Variants in PSPC1 observed in about 807,000 individuals in gnomAD.
PSPC1 encodes paraspeckle protein 1.
In PSPC1, 14 loss-of-function variants were observed where a neutral mutation model predicts 51.6. The ratio of observed to expected loss-of-function variants is 0.27; its 90% confidence interval spans 0.18 to 0.42. PSPC1 has a LOEUF of 0.42. Among genes scored for constraint, PSPC1 ranks in the 10% least tolerant of loss-of-function variants. The probability of loss-of-function intolerance (pLI) is 1.00; values close to 1 mark genes in which losing one functional copy is unlikely to be tolerated. For missense variants in PSPC1, 406 were observed against 701.1 expected (o/e 0.58, Z 4.75); for synonymous variants, 193 against 231.9 (o/e 0.83, Z 1.53).
rs960773178 is a variant in PSPC1 at position 19,781,822 on chromosome 13, C to G, written c.372+564G>C. ...TTAAAAAGAAATAAAGTGGTCTACC[C>G]TTAAACGCATATAGGTGTGGTTGAA... On this transcript the variant is annotated intron_variant, in intron 1 of 8. Coordinates refer to ENST00000338910, the MANE Select transcript of PSPC1 (RefSeq NM_001354909.2). Among the ~76,000 whole-genome samples the G allele has an allele frequency of 1.4e-4, 22 of 152,138 alleles. 1 individual carries two copies. The highest frequency in any genetic ancestry group is 3.2e-3 in the Middle Eastern group (1 of 316).
chr13:19,728,131 G>A (rs1276495321), intron 6 of PSPC1, among the ~76,000 whole-genome samples: 1 of 152,024 alleles, frequency 6.6e-6, no homozygotes, highest in Non-Finnish European at 1.5e-5. Flanking sequence ...GTTGAAGGCT[G>A]ACAAACAAAA....
intron 4 of PSPC1, among the ~76,000 whole-genome samples, chr13:19,745,131 A>G (rs1363740416): frequency 6.6e-6 from 1 of 152,108 alleles, no homozygotes; most frequent in Non-Finnish European, 1.5e-5. Context: ...CTGCCTGGCC[A>G]ACATGGCAAA....
At chr13:19,739,252 G>A (rs1885167123) in intron 5 of PSPC1, among the ~76,000 whole-genome samples, 1 of 152,034 alleles carries the variant, frequency 6.6e-6, no homozygotes, top group Non-Finnish European at 1.5e-5. Context: ...AGACAATTAG[G>A]TTAATTTCTT....
At chr13:19,765,427 T>C (rs1887978341) in intron 2 of PSPC1, among the ~76,000 whole-genome samples, 1 of 149,722 alleles carries the variant, frequency 6.7e-6, no homozygotes, top group African/African-American at 2.4e-5. Flanking sequence ...CACTAGGATC[T>C]GATAATGATA....
intron 2 of PSPC1, 65 bp from the exon 3 acceptor site, chr13:19,759,483 GAAAT>G: frequency 1.8e-6 from 2 of 1,101,864 alleles, no homozygotes; most frequent in South Asian, 2.8e-5. Context: ...CGTCTTAAAA[GAAAT>G]GTTTTATAAT....
rs201680527 is a variant in PSPC1, at chr13:19,738,473, G to C, written c.1052+3092C>G. On this transcript the variant is annotated intron_variant, in intron 5 of 8. Coordinates refer to ENST00000338910, the MANE Select transcript of PSPC1 (RefSeq NM_001354909.2). Reference sequence around the variant, plus strand: ...CTTATAATACCTAATACAATGTAAAGACTATGTAAACAGCACTGTTTACAG... The same window carrying C: ...CTTATAATACCTAATACAATGTAAACACTATGTAAACAGCACTGTTTACAG... Among the ~76,000 whole-genome samples the C allele has an allele frequency of 2.0e-5, 3 of 152,070 alleles. No homozygotes were observed. The East Asian group carries it at 5.8e-4, about 29-fold the overall frequency.
chr13:19,763,916 T>C lies in PSPC1; in HGVS notation c.675-4498A>G, dbSNP rs148700008. 2.1e-4 allele frequency among the ~76,000 whole-genome samples: 32 copies of C among 152,092 alleles called. No individual in the cohort carries two copies. In the East Asian group the frequency reaches 6.2e-3, roughly 29 times the overall value. ...TACTCAGGAGACTGAGGAACGAGAA[T>C]TGCTTGAATCCAGGAGGTGGAAGTT... On this transcript the variant is annotated intron_variant, in intron 2 of 8. Coordinates refer to ENST00000338910, the MANE Select transcript of PSPC1 (RefSeq NM_001354909.2).
rs150273397 is a variant in PSPC1 at position 19,757,945 on chromosome 13, T to C, written c.770+1378A>G. On this transcript the variant is annotated intron_variant, in intron 3 of 8. Transcript: ENST00000338910. The stretch of plus-strand genomic sequence containing the variant: ...CATACTTGTGAAACATCTGGACTGC[T>C]ATTCTAGGACTTTTATTTGATGTGT... Among the ~76,000 whole-genome samples, 494 of 152,282 alleles carry C rather than the reference T, an allele frequency of 3.2e-3. 4 individuals carry two copies. Among genetic ancestry groups the C allele is most frequent in the African/African-American group, 0.011 (458 of 41,550 alleles).
chr13:19,672,079 T>G (rs1876161932), downstream of PSPC1: 5 of 571,782 alleles, frequency 8.7e-6, no homozygotes, highest in Non-Finnish European at 1.6e-5. Context: ...GTGTCCAGAC[T>G]GCGTATTTCA....
At chr13:19,713,545 CAAAAAA>C (rs61024238) in intron 6 of PSPC1, among the ~76,000 whole-genome samples, 5 of 87,208 alleles carry the variant, frequency 5.7e-5, no homozygotes, top group South Asian at 4.8e-4. Flanking sequence ...CCCAGACAGC[CAAAAAA>C]AAAAAAAAAA....
chr13:19,687,681 CA>C (rs1314573897), intron 6 of PSPC1, among the ~76,000 whole-genome samples: 5 of 11,082 alleles, frequency 4.5e-4, no homozygotes, highest in Non-Finnish European at 1.2e-3. Context: ...CAGTCGTGAC[CA>C]TATCATAATC....
intron 6 of PSPC1, among the ~76,000 whole-genome samples, chr13:19,690,167 G>A (rs1878385732): frequency 1.3e-5 from 2 of 152,100 alleles, no homozygotes; most frequent in Admixed American, 1.3e-4. Context: ...AGAGGATTAG[G>A]TAGTCCCCTT....
At chr13:19,694,497 T>C (rs771511632) in intron 6 of PSPC1, among the ~76,000 whole-genome samples, 1 of 152,240 alleles carries the variant, frequency 6.6e-6, no homozygotes, top group African/African-American at 2.4e-5. Context: ...CATTTAAAAG[T>C]TGAGAAATTT....
intron 1 of PSPC1, among the ~76,000 whole-genome samples, chr13:19,779,859 G>A (rs1349454555): frequency 8.7e-5 from 10 of 114,872 alleles, no homozygotes; most frequent in Admixed American, 1.6e-4. Flanking sequence ...CGGGAGGGAG[G>A]TGGGGGGGTC....
At chr13:19,696,922 G>A (rs761971304) in intron 6 of PSPC1, among the ~76,000 whole-genome samples, 14 of 152,166 alleles carry the variant, frequency 9.2e-5, no homozygotes, top group Non-Finnish European at 1.8e-4. Flanking sequence ...GTTCAAAAAT[G>A]TATGATAAAT....
At chr13:19,705,261 G>C (rs943671972) in intron 8 of PSPC1, among the ~76,000 whole-genome samples, 5 of 152,244 alleles carry the variant, frequency 3.3e-5, no homozygotes, top group Non-Finnish European at 7.3e-5. Flanking sequence ...TTGGGAGGCC[G>C]AGGCGGGCGG....
At chr13:19,679,276 C>G (rs1288580353) in intron 6 of PSPC1, among the ~76,000 whole-genome samples, 1 of 152,138 alleles carries the variant, frequency 6.6e-6, no homozygotes, top group Non-Finnish European at 1.5e-5. Context: ...GGGCAGATCA[C>G]TTTAGTCCAG....
chr13:19,749,905 C>T (rs1276194092), intron 4 of PSPC1, among the ~76,000 whole-genome samples: 1 of 152,170 alleles, frequency 6.6e-6, no homozygotes, highest in East Asian at 1.9e-4. Context: ...AACCAAAACA[C>T]CTAACTAGTT....
At chr13:19,738,969 T>G (rs1361907711) in intron 5 of PSPC1, among the ~76,000 whole-genome samples, 1 of 152,098 alleles carries the variant, frequency 6.6e-6, no homozygotes, top group Admixed American at 6.6e-5. Context: ...TATACACAAT[T>G]TTTCCCCAGA....
Sources: allele counts gnomAD v4.1 joint callset (sites outside exome capture counted in the v4.1 genomes callset), GRCh38; gene constraint gnomAD v4.1.1; transcripts MANE v1.5; gene names NCBI Gene and HGNC (gene_info 2026-07-23, HGNC 2026-07-21).